Variants in CPD observed in about 807,000 individuals in gnomAD.
The protein encoded by CPD is carboxypeptidase D.
Under a neutral mutation model 138.3 loss-of-function variants are expected in CPD, and 69 were observed. The observed-to-expected ratio is 0.50, with a 90% CI of 0.41 to 0.61. The LOEUF (loss-of-function observed/expected upper bound fraction) is 0.61, where lower values mean the gene tolerates loss of function less well. CPD is among the 20% of genes least tolerant of loss of function. The pLI is 0.00. For synonymous variants in CPD, 651 were observed against 642.1 expected (o/e 1.01, Z -0.21); for missense variants, 1,432 against 1,733.3 (o/e 0.83, Z 3.09).
At chr17:30,423,216 A>G (rs1912314584) in intron 5 of CPD, among the ~76,000 whole-genome samples, 193 bp downstream of exon 5, 1 of 152,228 alleles carries the variant, frequency 6.6e-6, no homozygotes, top group African/African-American at 2.4e-5. Context: ...CCTTTTGCTA[A>G]CCCATATTAG....
intron 14 of CPD, among the ~76,000 whole-genome samples, chr17:30,453,199 A>G (rs968618903): frequency 4.6e-5 from 7 of 152,190 alleles, no homozygotes; most frequent in Admixed American, 4.6e-4. Context: ...TCAAAAGTCC[A>G]CAGTCCAACA....
chr17:30,393,654 C>T (rs993667737), intron 2 of CPD, among the ~76,000 whole-genome samples: 4 of 151,954 alleles, frequency 2.6e-5, no homozygotes, highest in Non-Finnish European at 4.4e-5. Flanking sequence ...ATAAATAAAC[C>T]AATCTGACCT....
In CPD at chr17:30,379,156, A is replaced by G; in HGVS notation, c.176A>G (p.Tyr59Cys). Residue 59 changes from tyrosine (Y) to cysteine (C), a missense_variant, in exon 1 of 21, where the codon TAC (tyrosine) becomes TGC (cysteine). This residue lies in a region of CPD where 484 missense variants were observed against 477.2 expected (regional missense o/e 1.01). Transcript: ENST00000225719. The surrounding 1 kb of genome is among the most constrained non-coding windows in gnomAD (Gnocchi z 7.0). ...GCCGAGGGCCAGTTCGACCGCTACT[A>G]CCACGAAGAGGAGTTGGAGTCGGCG... ...EAAEGQFDRY[Y>C]HEEELESALR... The G allele has an allele frequency of 1.3e-6, 2 of 1,536,014 alleles. No homozygotes were observed. Among genetic ancestry groups the G allele is most frequent in the South Asian group, 1.2e-5 (1 of 83,978 alleles).
intron 2 of CPD, among the ~76,000 whole-genome samples, chr17:30,418,292 C>T (rs1447170116): frequency 6.6e-6 from 1 of 152,084 alleles, no homozygotes; most frequent in African/African-American, 2.4e-5. Flanking sequence ...GCAATCCTCC[C>T]ACCTCAACCT....
In CPD at chr17:30,469,069, C is replaced by G. The variant is rs953688213; in HGVS notation, c.*4255C>G. 2.0e-5 allele frequency: 3 copies of G among 152,102 alleles called. No individual in the cohort carries two copies. The highest frequency in any genetic ancestry group is 6.5e-5 in the Admixed American group (1 of 15,268). The allele number at this position is 152,102 out of a possible 1,614,324, so 9.4% of individuals were successfully genotyped here. On this transcript the variant is annotated 3_prime_UTR_variant, in exon 21 of 21. Transcript: ENST00000225719. ...CCAGTTAGAATAATGTGTCCCGGCACTTTTAGGCACAGCAAGGATGAATTC... is the reference window on the plus strand; with the variant it reads ...CCAGTTAGAATAATGTGTCCCGGCAGTTTTAGGCACAGCAAGGATGAATTC...
intron 2 of CPD, among the ~76,000 whole-genome samples, chr17:30,396,384 A>C (rs2143335801): frequency 6.6e-6 from 1 of 152,238 alleles, no homozygotes; most frequent in South Asian, 2.1e-4. Context: ...GTAAAAAAAA[A>C]AACAAAAAAA....
chr17:30,417,719 T>C (rs573081639), intron 2 of CPD, among the ~76,000 whole-genome samples: 1 of 152,220 alleles, frequency 6.6e-6, no homozygotes, highest in Admixed American at 6.5e-5. Flanking sequence ...TGTAAGAAAC[T>C]GCCTAACCGG....
chr17:30,383,382 C>T lies in CPD; in HGVS notation c.747-1607C>T, dbSNP rs59845682. Among the ~76,000 whole-genome samples, 973 of 152,220 alleles carry T rather than the reference C, an allele frequency of 6.4e-3. 10 individuals are homozygous for T. Among genetic ancestry groups the T allele is most frequent in the African/African-American group, 0.021 (888 of 41,530 alleles). On this transcript the variant is annotated intron_variant, in intron 1 of 20. Transcript: ENST00000225719. ...AAATGAAAGGAAAACTGAGGTTCAGCGAATTTAAAGGCAGTAACTTCTCCT... is the reference window on the plus strand; with the variant it reads ...AAATGAAAGGAAAACTGAGGTTCAGTGAATTTAAAGGCAGTAACTTCTCCT...
At chr17:30,455,625 T>G in intron 15 of CPD, 155 bp downstream of exon 15, 3 of 727,592 alleles carry the variant, frequency 4.1e-6, no homozygotes, top group Non-Finnish European at 6.5e-6. Context: ...ACATCAGCAG[T>G]TCAGTTACTT....
intron 1 of CPD, among the ~76,000 whole-genome samples, chr17:30,382,694 T>A (rs536855081): frequency 2.0e-5 from 3 of 152,340 alleles, no homozygotes; most frequent in Non-Finnish European, 4.4e-5. Context: ...TTGGAAGAAA[T>A]GTTGAACAAA....
Position 30,423,634 on chromosome 17 carries a change from C to G in CPD, c.1786C>G (p.His596Asp). The G allele has an allele frequency of 6.2e-7, 1 of 1,612,068 alleles. No homozygotes were observed. The highest frequency in any genetic ancestry group is 8.5e-7 in the Non-Finnish European group (1 of 1,179,190). ...GTDPEVTDLV[H>D]NTRIHLMPSM... ...AGACCCTGAAGTCACAGATTTGGTT[C>G]ATAACACTAGAATTCACCTTATGCC... The change falls in exon 6 of 21, where the codon CAT becomes GAT. Residue 596 changes from histidine to aspartate, a missense_variant. Coordinates refer to ENST00000225719, the MANE Select transcript of CPD (RefSeq NM_001304.5).
Position 30,421,803 on chromosome 17 carries a change from G to A in CPD, c.1277G>A (p.Gly426Glu), listed in dbSNP as rs748441315. ...FGDFYRLLVP[G>E]TYNLTVVLTG... ...GATTTCTACCGATTACTTGTTCCTGGAACTTACAACCTTACAGTAGTTTTA... is the reference window on the plus strand; with the variant it reads ...GATTTCTACCGATTACTTGTTCCTGAAACTTACAACCTTACAGTAGTTTTA... Residue 426 changes from glycine to glutamate, a missense_variant, in exon 4 of 21, where the codon GGA (glycine) becomes GAA (glutamate). By Grantham distance (98) the Gly-to-Glu change is moderately conservative (BLOSUM62 -2). Around this residue, in one of 6 missense-constraint regions of CPD, gnomAD observed 160 missense variants for 197.9 expected, o/e 0.81. Coordinates refer to ENST00000225719, the MANE Select transcript of CPD (RefSeq NM_001304.5). The A allele has an allele frequency of 5.6e-6, 9 of 1,613,510 alleles. No homozygotes were observed. Among genetic ancestry groups the A allele is most frequent in the Non-Finnish European group, 5.1e-6 (6 of 1,179,568 alleles).
intron 7 of CPD, among the ~76,000 whole-genome samples, chr17:30,428,967 C>T (rs1912493089): frequency 6.6e-6 from 1 of 151,778 alleles, no homozygotes; most frequent in African/African-American, 2.4e-5. Context: ...TCCAGAAGTA[C>T]CATAGTGGAG....
At chr17:30,425,187 T>C (rs577342893) in intron 6 of CPD, among the ~76,000 whole-genome samples, 1 of 152,200 alleles carries the variant, frequency 6.6e-6, no homozygotes, top group Non-Finnish European at 1.5e-5. Flanking sequence ...AAATGGAATA[T>C]GCACAGTTAA....
At chr17:30,423,398 T>A in intron 5 of CPD, 108 bp from the exon 6 acceptor site, 1 of 758,034 alleles carries the variant, frequency 1.3e-6, no homozygotes, top group Non-Finnish European at 2.0e-6. Flanking sequence ...CCAAAATACA[T>A]GTTTAAAAAA....
At chr17:30,402,029 T>C (rs935280782) in intron 2 of CPD, among the ~76,000 whole-genome samples, 25 of 152,056 alleles carry the variant, frequency 1.6e-4, no homozygotes, top group African/African-American at 5.8e-4. Flanking sequence ...GCTATTGTTC[T>C]TAAAATTTTT....
chr17:30,415,655 A>G (rs1355764667), intron 2 of CPD, among the ~76,000 whole-genome samples: 2 of 152,242 alleles, frequency 1.3e-5, no homozygotes, highest in Non-Finnish European at 2.9e-5. Context: ...ACAAACATTG[A>G]AAAGATGCTC....
At position 30,421,668 on chromosome 17, in the gene CPD, A is replaced by C. The variant is rs774726703; in HGVS notation, c.1142A>C (p.His381Pro). Residue 381 changes from histidine to proline, a missense_variant, in exon 4 of 21, where the codon CAC becomes CCC. His to Pro is a moderately conservative substitution (Grantham distance 77). This residue lies in a region of CPD where 160 missense variants were observed against 197.9 expected (regional missense o/e 0.81). Coordinates refer to ENST00000225719, the MANE Select transcript of CPD (RefSeq NM_001304.5). Reference sequence around the variant, plus strand: ...CTTGGATTCTTGTCTTCTTAGGTTCACATTGGAGTGAAAGGATTTGTTAAA... The same window carrying C: ...CTTGGATTCTTGTCTTCTTAGGTTCCCATTGGAGTGAAAGGATTTGTTAAA... ...ESLITLIEKV[H>P]IGVKGFVKDS... is the part of the protein sequence containing the mutation. 6.2e-7 allele frequency: 1 copy of C among 1,613,572 alleles called. No individual in the cohort carries two copies. Among genetic ancestry groups the C allele is most frequent in the Non-Finnish European group, 8.5e-7 (1 of 1,179,674 alleles).
Position 30,451,791 on chromosome 17 carries a change from T to G in CPD, c.3150T>G (p.Thr1050=), listed in dbSNP as rs1426256346. ...AGAGAGCTCAAGAGAAAGACTGTAC[T>G]TCAAAAATAGGACAAACAAATGCTC... ...GRERAQEKDC[T]SKIGQTNARG... Residue 1050 remains threonine, a synonymous_variant, in exon 14 of 21, where the codon ACT becomes ACG. Transcript: ENST00000225719. The G allele has an allele frequency of 2.5e-5, 41 of 1,614,008 alleles. No homozygotes were observed. The highest frequency in any genetic ancestry group is 3.5e-5 in the Non-Finnish European group (41 of 1,179,996).
Sources: gnomAD v4.1 joint callset for allele counts (sites outside exome capture counted in the v4.1 genomes callset) on GRCh38, gnomAD v4.1.1 for gene constraint, gnomAD v4.1.1 regional missense constraint, Gnocchi (gnomAD v3.1) non-coding constraint, MANE v1.5 for transcripts, NCBI Gene and HGNC (gene_info 2026-07-23, HGNC 2026-07-21) for gene names.